Variants in CAMTA1 observed in about 807,000 individuals in gnomAD.
The protein encoded by CAMTA1 is calmodulin binding transcription activator 1.
Under a neutral mutation model 170.9 loss-of-function variants are expected in CAMTA1, and 27 were observed. The ratio of observed to expected loss-of-function variants is 0.16; its 90% CI spans 0.12 to 0.22. The LOEUF (loss-of-function observed/expected upper bound fraction) is 0.22, where lower values mean the gene tolerates loss of function less well. Ranked by LOEUF, CAMTA1 falls within the 10% of genes least tolerant of loss-of-function variation. The probability of loss-of-function intolerance (pLI) is 1.00; values close to 1 mark genes in which losing one functional copy is unlikely to be tolerated. For missense variants in CAMTA1, 1,619 were observed against 2,217.2 expected, an observed-to-expected ratio of 0.73 and a Z score of 5.42; for synonymous variants, 833 against 891.5, an observed-to-expected ratio of 0.93 and a Z score of 1.17.
intron 4 of CAMTA1, among the ~76,000 whole-genome samples, chr1:7,122,504 C>T (rs1375456436): frequency 6.6e-6 from 1 of 152,028 alleles, no homozygotes; most frequent in Non-Finnish European, 1.5e-5. Context: ...GACACGTGCC[C>T]CTGAGGGATG....
intron 11 of CAMTA1, among the ~76,000 whole-genome samples, chr1:7,703,673 T>C (rs998291519): frequency 3.3e-5 from 5 of 152,208 alleles, no homozygotes; most frequent in African/African-American, 1.2e-4. Flanking sequence ...TTACAGATAA[T>C]TGACTGTATC....
intron 5 of CAMTA1, among the ~76,000 whole-genome samples, chr1:7,373,671 A>G (rs1434889609): frequency 6.6e-6 from 1 of 152,218 alleles, no homozygotes; most frequent in Non-Finnish European, 1.5e-5. Context: ...AATTATTTGG[A>G]GAGCAATATT....
chr1:6,894,572 G>T (rs1274945870), intron 3 of CAMTA1, among the ~76,000 whole-genome samples: 4 of 152,224 alleles, frequency 2.6e-5, no homozygotes. Flanking sequence ...CGGTGAAGCT[G>T]CCGCTGTGCT....
intron 17 of CAMTA1, 136 bp downstream of exon 17, chr1:7,745,158 T>C: frequency 1.3e-6 from 1 of 785,460 alleles, no homozygotes; most frequent in Non-Finnish European, 2.0e-6. Context: ...GAGGACAAGC[T>C]CTGTTGCCAC....
intron 4 of CAMTA1, among the ~76,000 whole-genome samples, chr1:7,192,850 A>T (rs1367367163): frequency 6.6e-6 from 1 of 152,180 alleles, no homozygotes; most frequent in Non-Finnish European, 1.5e-5. Context: ...AAAGGAAAGA[A>T]GGAGAACTGG....
chr1:7,428,061 T>C (rs1387756485), intron 5 of CAMTA1, among the ~76,000 whole-genome samples: 1 of 152,080 alleles, frequency 6.6e-6, no homozygotes, highest in Non-Finnish European at 1.5e-5. Context: ...TGGGAAACAC[T>C]GTGTCTCTGG....
intron 3 of CAMTA1, among the ~76,000 whole-genome samples, chr1:6,904,193 A>G (rs748779318): frequency 6.6e-6 from 1 of 152,132 alleles, no homozygotes; most frequent in Non-Finnish European, 1.5e-5. Context: ...GGCACTTCTC[A>G]TGTTAGAATT....
At chr1:6,785,602 G>GGGGCGGCGCGGC in intron 1 of CAMTA1, 27 bp downstream of exon 1, 1 of 1,008,234 alleles carries the variant, frequency 9.9e-7, no homozygotes, top group Non-Finnish European at 1.2e-6. Context: ...GAGGGGCTGG[G>GGGGCGGCGCGGC]GGGCGGCGCG....
In CAMTA1 at chr1:7,665,205, C is replaced by G. The variant is rs772081033; in HGVS notation, c.2652+6C>G. 1.4e-6 allele frequency: 2 copies of G among 1,432,598 alleles called. No individual in the cohort carries two copies. The highest frequency in any genetic ancestry group is 2.6e-5 in the Admixed American group (1 of 38,786). 88.7% of individuals were successfully genotyped at this position (1,432,598 alleles called of 1,614,324 possible). On this transcript the variant is annotated splice_donor_region_variant and intron_variant, in intron 9 of 22. Transcript: ENST00000303635. The surrounding 1 kb of genome is among the most constrained non-coding windows in gnomAD (Gnocchi z 4.3). Reference sequence around the variant, plus strand: ...CAGAGTGGTCTTACCCAGAGGTAAGCTGCCGCCGCTGCCACCACCTGTCAC... The same window carrying G: ...CAGAGTGGTCTTACCCAGAGGTAAGGTGCCGCCGCTGCCACCACCTGTCAC...
chr1:7,201,602 A>T (rs187447795), intron 4 of CAMTA1, among the ~76,000 whole-genome samples: 2 of 152,274 alleles, frequency 1.3e-5, no homozygotes, highest in Non-Finnish European at 1.5e-5. Flanking sequence ...TCATCTCTTT[A>T]TGGTTTTGAT....
intron 6 of CAMTA1, among the ~76,000 whole-genome samples, chr1:7,600,530 G>A (rs917842681): frequency 6.8e-5 from 10 of 147,548 alleles, no homozygotes; most frequent in Admixed American, 1.4e-4. Flanking sequence ...GGTGTTTCTC[G>A]CAGAGGGGGA....
At chr1:7,109,808 C>T (rs1446393763) in intron 4 of CAMTA1, among the ~76,000 whole-genome samples, 1 of 152,230 alleles carries the variant, frequency 6.6e-6, no homozygotes, top group Non-Finnish European at 1.5e-5. Context: ...TGTACCTCAG[C>T]ACTTTCCTTC....
intron 6 of CAMTA1, among the ~76,000 whole-genome samples, chr1:7,624,921 G>A (rs140104546): frequency 9.5e-4 from 145 of 152,320 alleles, no homozygotes; most frequent in Middle Eastern, 3.4e-3. Flanking sequence ...ACAGTGTGAC[G>A]TTGGATCTGG....
chr1:7,454,702 A>C (rs1039873808), intron 5 of CAMTA1, among the ~76,000 whole-genome samples: 1 of 151,858 alleles, frequency 6.6e-6, no homozygotes, highest in African/African-American at 2.4e-5. Context: ...TCTCCTCCTG[A>C]GGGTCTGAGG....
intron 5 of CAMTA1, among the ~76,000 whole-genome samples, chr1:7,449,056 G>GGCCT (rs941029430): frequency 6.6e-6 from 1 of 152,256 alleles, no homozygotes; most frequent in Non-Finnish European, 1.5e-5. Context: ...ATGGGCTGGA[G>GGCCT]GCCTGGGCAG....
intron 5 of CAMTA1, among the ~76,000 whole-genome samples, chr1:7,284,171 C>CTTA (rs1321954595): frequency 1.2e-3 from 138 of 115,790 alleles, no homozygotes; most frequent in South Asian, 1.8e-3. Context: ...TCTTCTTCTT[C>CTTA]TTCTTCTTAT....
intron 6 of CAMTA1, among the ~76,000 whole-genome samples, chr1:7,509,375 G>A (rs1194929735): frequency 1.3e-5 from 2 of 152,160 alleles, no homozygotes; most frequent in Non-Finnish European, 2.9e-5. Context: ...GCAACACTTG[G>A]GGGTCGGGGG....
chr1:7,047,866 C>G (rs571552574), intron 3 of CAMTA1, among the ~76,000 whole-genome samples: 2 of 152,240 alleles, frequency 1.3e-5, no homozygotes, highest in African/African-American at 4.8e-5. Flanking sequence ...TGAATGCCTT[C>G]CCAGCAACAG....
intron 5 of CAMTA1, among the ~76,000 whole-genome samples, chr1:7,459,503 G>A (rs890413900): frequency 1.2e-4 from 18 of 152,288 alleles, no homozygotes; most frequent in East Asian, 1.9e-4. Context: ...TGCTCTTTGA[G>A]GAGCACCTAC....
Sources: allele counts gnomAD v4.1 joint callset (sites outside exome capture counted in the v4.1 genomes callset), GRCh38; gene constraint gnomAD v4.1.1; non-coding constraint Gnocchi (gnomAD v3.1); transcripts MANE v1.5; gene names NCBI Gene and HGNC (gene_info 2026-07-23, HGNC 2026-07-21).